Variants in ADAMTS9 observed in about 807,000 individuals in gnomAD.
ADAMTS9 encodes A disintegrin and metalloproteinase with thrombospondin motifs 9.
In ADAMTS9, 107 loss-of-function variants were observed where a neutral mutation model predicts 257.1. The ratio of observed to expected loss-of-function variants is 0.42; its 90% CI spans 0.36 to 0.49. ADAMTS9 has a LOEUF of 0.49. Among genes scored for constraint, ADAMTS9 ranks in the 20% least tolerant of loss-of-function variants. The pLI, the probability that ADAMTS9 is intolerant of heterozygous loss-of-function variation, is 0.03. For missense variants in ADAMTS9, 2,353 were observed against 2,469.1 expected (o/e 0.95, Z 1.00); for synonymous variants, 982 against 880.9 (o/e 1.11, Z -2.03).
chr3:64,641,866 C>G lies in ADAMTS9; in HGVS notation c.1838G>C (p.Arg613Pro), dbSNP rs758113783. 6.2e-7 allele frequency: 1 copy of G among 1,613,998 alleles called. No individual in the cohort carries two copies. The highest frequency in any genetic ancestry group is 8.5e-7 in the Non-Finnish European group (1 of 1,180,020). ...TCGGGIKTAI[R>P]ECNRPEPKNG... Reference sequence around the variant, plus strand: ...GACTTACTCTGGTCTGTTGCACTCTCGAATGGCTGTTTTGATGCCCCCTCC... The same window carrying G: ...GACTTACTCTGGTCTGTTGCACTCTGGAATGGCTGTTTTGATGCCCCCTCC... Residue 613 changes from arginine to proline, a missense_variant, in exon 12 of 40, where the codon CGA becomes CCA. Coordinates refer to ENST00000498707, the MANE Select transcript of ADAMTS9 (RefSeq NM_182920.2).
At chr3:64,674,039 T>A (rs1293547615) in intron 3 of ADAMTS9, among the ~76,000 whole-genome samples, 1 of 152,004 alleles carries the variant, frequency 6.6e-6, no homozygotes, top group Non-Finnish European at 1.5e-5. Context: ...TAGAAGTTTC[T>A]TTTTTACTAC....
chr3:64,520,480 G>A (rs976994533), intron 39 of ADAMTS9, among the ~76,000 whole-genome samples: 1 of 151,962 alleles, frequency 6.6e-6, no homozygotes. Flanking sequence ...GCCTAAAAGC[G>A]AAAGCAATCC....
intron 30 of ADAMTS9, among the ~76,000 whole-genome samples, chr3:64,551,982 G>A (rs560314163): frequency 7.2e-5 from 11 of 152,316 alleles, no homozygotes; most frequent in African/African-American, 2.6e-4. Context: ...TAGGTGTCAG[G>A]CCCTGTGACG....
Position 64,642,782 on chromosome 3 carries a change from G to A in ADAMTS9, c.1711-789C>T, listed in dbSNP as rs535021168. The stretch of plus-strand genomic sequence containing the variant: ...AGTGGCCACAGGAGGGTGACGCCCC[G>A]CGGCTCGCTCAGATCTCTGAAGCGG... On this transcript the variant is annotated intron_variant, in intron 11 of 39. Coordinates refer to ENST00000498707, the MANE Select transcript of ADAMTS9 (RefSeq NM_182920.2). 7.9e-5 allele frequency among the ~76,000 whole-genome samples: 12 copies of A among 152,332 alleles called. No homozygotes were observed. In the South Asian group the frequency reaches 1.2e-3, roughly 16 times the overall value.
chr3:64,545,180 C>A (rs1029132365), intron 32 of ADAMTS9, among the ~76,000 whole-genome samples: 1 of 152,160 alleles, frequency 6.6e-6, no homozygotes, highest in African/African-American at 2.4e-5. Context: ...CTAGTTCAAC[C>A]ATTGTGGAAG....
At position 64,656,134 on chromosome 3, in the gene ADAMTS9, T is replaced by C. The variant is rs377288313; in HGVS notation, c.970-259A>G. The C allele has an allele frequency of 4.8e-5, 17 of 356,406 alleles. No homozygotes were observed. In the South Asian group the frequency reaches 6.4e-4, roughly 13 times the overall value. The allele number at this position is 356,406 out of a possible 1,614,324, so 22.1% of individuals were successfully genotyped here. A position where few individuals can be genotyped will look rare whatever the true frequency, so the allele number is the denominator to read the frequency against. On this transcript the variant is annotated intron_variant, in intron 4 of 39. Coordinates refer to ENST00000498707, the MANE Select transcript of ADAMTS9 (RefSeq NM_182920.2). ...GCATTGCCACGTGACTTAACAGTTC[T>C]CTGTACCAGAACACTGGATATTAAT...
chr3:64,541,326 C>G lies in ADAMTS9; in HGVS notation c.5381G>C (p.Gly1794Ala). ...GDSENFSEVY[G>A]HRLHNPTECP... ...CTGAGCCTGGCTCTCCTACCTGTGC[C>G]CATAAACCTCGGAGAAATTCTCAGA... Residue 1794 changes from glycine to alanine, a missense_variant, in exon 35 of 40, where the codon GGG becomes GCG. Gly to Ala is a moderately conservative substitution (Grantham distance 60). Transcript: ENST00000498707. 1 of 1,614,134 alleles carries G rather than the reference C, an allele frequency of 6.2e-7. No individual in the cohort carries two copies. Among genetic ancestry groups the G allele is most frequent in the Non-Finnish European group, 8.5e-7 (1 of 1,180,014 alleles).
At chr3:64,675,394 G>T (rs1480021540) in intron 3 of ADAMTS9, among the ~76,000 whole-genome samples, 1 of 152,132 alleles carries the variant, frequency 6.6e-6, no homozygotes, top group Non-Finnish European at 1.5e-5. Flanking sequence ...AGTTAAAAAG[G>T]GGTTTGTAGG....
chr3:64,592,869 C>T (rs2084288220), intron 28 of ADAMTS9: 1 of 151,638 alleles, frequency 6.6e-6, no homozygotes, highest in African/African-American at 2.4e-5. Context: ...TGCTGTTGGT[C>T]TAGTGAACTG....
chr3:64,667,022 T>C (rs1701367371), intron 3 of ADAMTS9, among the ~76,000 whole-genome samples: 1 of 152,134 alleles, frequency 6.6e-6, no homozygotes, highest in Admixed American at 6.5e-5. Context: ...AGCTGTTGTT[T>C]TTTTGTTTTA....
intron 4 of ADAMTS9, among the ~76,000 whole-genome samples, chr3:64,658,112 A>T (rs974244819): frequency 6.6e-6 from 1 of 152,188 alleles, no homozygotes; most frequent in Non-Finnish European, 1.5e-5. Flanking sequence ...TCGGAACTGG[A>T]CAAGCTAAAG....
intron 29 of ADAMTS9, chr3:64,563,358 T>C (rs1054389903): frequency 6.6e-6 from 1 of 152,126 alleles, no homozygotes; most frequent in Non-Finnish European, 1.5e-5. Context: ...GTCTTAAATA[T>C]AAAAGAGCAC....
rs1253748957 is a variant in ADAMTS9 at position 64,539,289 on chromosome 3, CAG to C, written c.5525_5526del (p.Thr1842ArgfsTer33). ...TCGCTTGTCCTTGCAAACTGTAAGT[CAG>C]TGGCTGTGGGGTGGAGAAGGGGTTA... Reference protein sequence around the residue: ...IDLTSMQIITTDLQFARTSEG... With the variant: ...IDLTSMQIITXDLQFARTSEG... On this transcript the variant is annotated frameshift_variant, in exon 37 of 40. Coordinates refer to ENST00000498707, the MANE Select transcript of ADAMTS9 (RefSeq NM_182920.2). LOFTEE classifies it high-confidence loss of function. 6.2e-7 allele frequency: 1 copy of C among 1,613,842 alleles called. No individual in the cohort carries two copies. The highest frequency in any genetic ancestry group is 1.7e-5 in the Admixed American group (1 of 60,004).
At chr3:64,557,440 T>A (rs913205932) in intron 30 of ADAMTS9, among the ~76,000 whole-genome samples, 2 of 152,164 alleles carry the variant, frequency 1.3e-5, no homozygotes, top group African/African-American at 4.8e-5. Context: ...TTTTTAACTT[T>A]TTTCTTCCAA....
At position 64,658,539 on chromosome 3, in the gene ADAMTS9, T is replaced by C; in HGVS notation, c.932A>G (p.Glu311Gly). The change falls in exon 4 of 40, where the codon GAA becomes GGA. Residue 311 changes from glutamate to glycine, a missense_variant. By Grantham distance (98) the Glu-to-Gly change is moderately conservative (BLOSUM62 -2). Transcript: ENST00000498707. ...AGTTAAAATATAGTGTTGAAGGTTTTCTCCATGGTATGAAACCATTCTGTT... is the reference window on the plus strand; with the variant it reads ...AGTTAAAATATAGTGTTGAAGGTTTCCTCCATGGTATGAAACCATTCTGTT... ...ADNRMVSYHG[E>G]NLQHYILTLM... 6.2e-7 allele frequency: 1 copy of C among 1,613,512 alleles called. No individual in the cohort carries two copies. Among genetic ancestry groups the C allele is most frequent in the South Asian group, 1.1e-5 (1 of 91,024 alleles).
In ADAMTS9 at chr3:64,661,662, G is replaced by C. The variant is rs367651604; in HGVS notation, c.680-2871C>G. On this transcript the variant is annotated intron_variant, in intron 3 of 39. Transcript: ENST00000498707. ...CATGATTTGGTGAACAGCTTCCAAA[G>C]TAAATATGAATTGAGAAAAAGACAG... is the stretch of plus-strand genomic sequence containing the variant. Among the ~76,000 whole-genome samples the C allele has an allele frequency of 1.4e-4, 21 of 152,254 alleles. No homozygotes were observed. The South Asian group carries it at 3.5e-3, about 26-fold the overall frequency.
In ADAMTS9 at chr3:64,526,097, A is replaced by G. The variant is rs567348658; in HGVS notation, c.5719-3837T>C. Among the ~76,000 whole-genome samples the G allele has an allele frequency of 4.9e-3, 728 of 147,692 alleles. 2 individuals carry two copies. Among genetic ancestry groups the G allele is most frequent in the Non-Finnish European group, 7.7e-3 (519 of 67,016 alleles). ...ATTATAATAAAATAATACAATATAT[A>G]GTATATATTATTATAAATATATTTA... On this transcript the variant is annotated intron_variant, in intron 38 of 39. Transcript: ENST00000498707.
At chr3:64,572,699 A>C (rs1471475917) in intron 28 of ADAMTS9, among the ~76,000 whole-genome samples, 4 of 152,282 alleles carry the variant, frequency 2.6e-5, no homozygotes, top group Admixed American at 6.5e-5. Flanking sequence ...AGAAGGAATA[A>C]GAAGGGGAAG....
chr3:64,648,806 C>T lies in ADAMTS9; in HGVS notation c.1606-762G>A, dbSNP rs891308054. Among the ~76,000 whole-genome samples, 4 of 151,952 alleles carry T rather than the reference C, an allele frequency of 2.6e-5. No individual in the cohort carries two copies. The East Asian group carries it at 7.7e-4, about 29-fold the overall frequency. Reference sequence around the variant, plus strand: ...TTTTCAATTGCTATAAAAGGGAGACCCTATAATTTGTTTAACCTTTCTTTT... The same window carrying T: ...TTTTCAATTGCTATAAAAGGGAGACTCTATAATTTGTTTAACCTTTCTTTT... On this transcript the variant is annotated intron_variant, in intron 10 of 39. Coordinates refer to ENST00000498707, the MANE Select transcript of ADAMTS9 (RefSeq NM_182920.2).
Sources: allele counts gnomAD v4.1 joint callset (sites outside exome capture counted in the v4.1 genomes callset), GRCh38; gene constraint gnomAD v4.1.1; transcripts MANE v1.5; gene names NCBI Gene and HGNC (gene_info 2026-07-23, HGNC 2026-07-21).